The following BACE2 variants were observed in gnomAD, a reference collection of about 807,000 sequenced individuals.
BACE2 encodes the protein 56 kDa aspartic-like protease.
Under a neutral mutation model 46.2 loss-of-function variants are expected in BACE2, and 17 were observed. The ratio of observed to expected loss-of-function variants is 0.37; its 90% CI spans 0.25 to 0.55. The LOEUF is 0.55. Ranked by LOEUF, BACE2 falls within the 20% of genes least tolerant of loss-of-function variation. The pLI is 0.82. For synonymous variants in BACE2, 277 were observed against 295.9 expected (o/e 0.94, Z 0.66); for missense variants, 595 against 698.1 (o/e 0.85, Z 1.66).
chr21:41,264,266 A>G (rs1448405947), intron 8 of BACE2, among the ~76,000 whole-genome samples: 1 of 148,460 alleles, frequency 6.7e-6, no homozygotes, highest in African/African-American at 2.5e-5. Flanking sequence ...TTTCATTTCT[A>G]GAAATTGTAT....
At chr21:41,263,595 G>T (rs1329421696) in intron 8 of BACE2, among the ~76,000 whole-genome samples, 1 of 152,136 alleles carries the variant, frequency 6.6e-6, no homozygotes, top group African/African-American at 2.4e-5. Flanking sequence ...TCACAATTTA[G>T]CTATACATGG....
intron 3 of BACE2, among the ~76,000 whole-genome samples, chr21:41,241,399 G>A (rs1433410269): frequency 1.3e-5 from 2 of 152,046 alleles, no homozygotes; most frequent in Non-Finnish European, 2.9e-5. Context: ...GGACAGCTGC[G>A]GCTGACAGGC....
At chr21:41,262,091 A>G (rs1987952371) in intron 8 of BACE2, among the ~76,000 whole-genome samples, 3 of 152,196 alleles carry the variant, frequency 2.0e-5, no homozygotes, top group Admixed American at 1.3e-4. Context: ...TATCATGACT[A>G]TGTAGACCAC....
At position 41,226,359 on chromosome 21, in the gene BACE2, G is replaced by T. The variant is rs766418924; in HGVS notation, c.401+5G>T. 1 of 1,611,246 alleles carries T rather than the reference G, an allele frequency of 6.2e-7. No homozygotes were observed. Among genetic ancestry groups the T allele is most frequent in the South Asian group, 1.1e-5 (1 of 89,900 alleles). The stretch of plus-strand genomic sequence containing the variant: ...CACGTACTTTGACACAGAGAGGTAA[G>T]CGCTGGCCCCTTGGCTGGTGTGCTG... On this transcript the variant is annotated splice_donor_5th_base_variant and intron_variant, in intron 2 of 8. Coordinates refer to ENST00000330333, the MANE Select transcript of BACE2 (RefSeq NM_012105.5).
At chr21:41,187,492 C>G (rs1240251722) in intron 1 of BACE2, among the ~76,000 whole-genome samples, 1 of 152,168 alleles carries the variant, frequency 6.6e-6, no homozygotes, top group Non-Finnish European at 1.5e-5. Context: ...TATGTTCTAC[C>G]ACTGCACGTA....
intron 8 of BACE2, 85 bp from the exon 9 acceptor site, chr21:41,275,286 T>C (rs777930344): frequency 6.3e-6 from 10 of 1,575,212 alleles, no homozygotes; most frequent in Non-Finnish European, 8.6e-6. Context: ...TGTGGTTTAA[T>C]AAACCAAGGG....
At chr21:41,225,167 G>C (rs773962333) in intron 1 of BACE2, among the ~76,000 whole-genome samples, 5 of 151,318 alleles carry the variant, frequency 3.3e-5, no homozygotes, top group Non-Finnish European at 7.4e-5. Flanking sequence ...CTGGGAGGCA[G>C]AGTTTGCACT....
At chr21:41,251,440 A>G (rs1987636548) in intron 7 of BACE2, among the ~76,000 whole-genome samples, 1 of 152,198 alleles carries the variant, frequency 6.6e-6, no homozygotes, top group Non-Finnish European at 1.5e-5. Context: ...AGGAAAAGGG[A>G]AGACCTGGAG....
At chr21:41,222,150 A>T (rs1320116752) in intron 1 of BACE2, among the ~76,000 whole-genome samples, 1 of 152,220 alleles carries the variant, frequency 6.6e-6, no homozygotes, top group Non-Finnish European at 1.5e-5. Flanking sequence ...ACGTGGAGTG[A>T]GGACTGTGCT....
At chr21:41,192,993 T>A (rs922980747) in intron 1 of BACE2, among the ~76,000 whole-genome samples, 1 of 152,204 alleles carries the variant, frequency 6.6e-6, no homozygotes, top group Admixed American at 6.5e-5. Context: ...TGAATTTTAG[T>A]CATATTTATT....
chr21:41,219,355 G>T (rs1370980122), intron 1 of BACE2, among the ~76,000 whole-genome samples: 1 of 152,174 alleles, frequency 6.6e-6, no homozygotes, highest in Non-Finnish European at 1.5e-5. Context: ...TAGTAAAGAT[G>T]AAAAGAATAA....
At chr21:41,243,608 C>A (rs1274193224) in intron 5 of BACE2, 98 bp downstream of exon 5, 1 of 1,273,046 alleles carries the variant, frequency 7.9e-7, no homozygotes, top group South Asian at 2.0e-5. Flanking sequence ...AGGTACATTA[C>A]CTCGTAAGAT....
chr21:41,268,516 G>T (rs1410557444), intron 8 of BACE2, among the ~76,000 whole-genome samples: 1 of 152,192 alleles, frequency 6.6e-6, no homozygotes, highest in Non-Finnish European at 1.5e-5. Context: ...GCAAATATGA[G>T]AATACAGTTG....
intron 1 of BACE2, among the ~76,000 whole-genome samples, chr21:41,198,344 C>A (rs1434123257): frequency 6.6e-6 from 1 of 152,192 alleles, no homozygotes; most frequent in Non-Finnish European, 1.5e-5. Context: ...TTCAAAGTCA[C>A]TTGTCACTGA....
intron 1 of BACE2, chr21:41,184,997 A>C (rs556167505): frequency 6.0e-6 from 1 of 167,178 alleles, no homozygotes; most frequent in South Asian, 2.1e-4. Context: ...TGCAATACAA[A>C]ATGAGTTTCT....
At chr21:41,174,946 T>G (rs537096743) in intron 1 of BACE2, among the ~76,000 whole-genome samples, 1 of 152,270 alleles carries the variant, frequency 6.6e-6, no homozygotes, top group African/African-American at 2.4e-5. Flanking sequence ...CTTCTGTAAT[T>G]TCCCTGGGTA....
rs899477713 is a variant in BACE2 at position 41,183,811 on chromosome 21, C to G, written c.312+15236C>G. ...GGAAGCTTTTTGTTGTTATTGTTCT[C>G]TCTCACCAGAGCAGTTAGGACATTT... On this transcript the variant is annotated intron_variant, in intron 1 of 8. Coordinates refer to ENST00000330333, the MANE Select transcript of BACE2 (RefSeq NM_012105.5). The G allele has an allele frequency of 2.4e-5, 4 of 167,204 alleles. No homozygotes were observed. The East Asian group carries it at 7.7e-4, about 32-fold the overall frequency. The allele number at this position is 167,204 out of a possible 1,614,324, so 10.4% of individuals were successfully genotyped here.
chr21:41,232,182 C>T (rs1986984521), intron 2 of BACE2, among the ~76,000 whole-genome samples: 1 of 152,068 alleles, frequency 6.6e-6, no homozygotes, highest in Non-Finnish European at 1.5e-5. Flanking sequence ...AAGCGGCCAG[C>T]GTATTGGGCA....
At position 41,200,478 on chromosome 21, in the gene BACE2, G is replaced by A. The variant is rs546022011; in HGVS notation, c.313-25788G>A. 7.1e-4 allele frequency among the ~76,000 whole-genome samples: 108 copies of A among 152,254 alleles called. 3 individuals are homozygous for A. The South Asian group carries it at 0.017, about 24-fold the overall frequency. The stretch of plus-strand genomic sequence containing the variant: ...TATGGATGTCGGATTAGGTGCACCC[G>A]TGAGGTCTTGGATTGTAACCCCATG... On this transcript the variant is annotated intron_variant, in intron 1 of 8. Transcript: ENST00000330333.
Sources: allele counts gnomAD v4.1 joint callset (sites outside exome capture counted in the v4.1 genomes callset), GRCh38; gene constraint gnomAD v4.1.1; transcripts MANE v1.5; gene names NCBI Gene and HGNC (gene_info 2026-07-23, HGNC 2026-07-21).